The following THSD4 variants were observed in gnomAD, a reference collection of about 807,000 sequenced individuals.
THSD4 encodes the protein thrombospondin type 1 domain containing 4.
In THSD4, 69 loss-of-function variants were observed where a neutral mutation model predicts 119.0. The ratio of observed to expected loss-of-function variants is 0.58; its 90% CI spans 0.48 to 0.71. The LOEUF is 0.71. THSD4 is among the 30% of genes least tolerant of loss of function. The pLI is 0.00. For missense variants in THSD4, 1,393 were observed against 1,391.1 expected (o/e 1.00, Z -0.02); for synonymous variants, 524 against 540.4 (o/e 0.97, Z 0.42).
intron 3 of THSD4, among the ~76,000 whole-genome samples, chr15:71,157,273 A>G (rs2040787701): frequency 6.6e-6 from 1 of 152,214 alleles, no homozygotes; most frequent in African/African-American, 2.4e-5. Flanking sequence ...GTTTGCTCTG[A>G]GAGATGGGGA....
At chr15:71,697,019 CAGGTG>C (rs951413791) in intron 8 of THSD4, among the ~76,000 whole-genome samples, 28 of 152,146 alleles carry the variant, frequency 1.8e-4, no homozygotes, top group African/African-American at 6.8e-4. Flanking sequence ...CACAGCTTCT[CAGGTG>C]AGGAGAACAG....
At chr15:71,153,282 C>A (rs2040743641) in intron 2 of THSD4, among the ~76,000 whole-genome samples, 1 of 152,190 alleles carries the variant, frequency 6.6e-6, no homozygotes. Context: ...TCACACCTAG[C>A]AAACTCCATC....
At chr15:71,111,811 A>G (rs1194240359), upstream of THSD4, 3 of 526,304 alleles carry the variant, frequency 5.7e-6, no homozygotes, top group Admixed American at 3.7e-5. Flanking sequence ...CACAGTTAGG[A>G]TGAAAACACG....
chr15:71,320,382 C>T (rs1191013394), intron 6 of THSD4, among the ~76,000 whole-genome samples: 1 of 152,208 alleles, frequency 6.6e-6, no homozygotes, highest in Non-Finnish European at 1.5e-5. Flanking sequence ...CATATTACAG[C>T]AACTGCCCTT....
At chr15:71,363,998 G>C (rs188459084) in intron 6 of THSD4, among the ~76,000 whole-genome samples, 54 of 152,240 alleles carry the variant, frequency 3.5e-4, no homozygotes, top group African/African-American at 1.2e-3. Context: ...GATAGAAATA[G>C]TATTCATTAA....
At chr15:71,483,291 C>T (rs1032704152) in intron 7 of THSD4, among the ~76,000 whole-genome samples, 1 of 152,292 alleles carries the variant, frequency 6.6e-6, no homozygotes, top group Middle Eastern at 3.4e-3. Flanking sequence ...ATAAACTCCC[C>T]TCAATCTTCA....
rs146985777 is a variant in THSD4 at position 71,385,503 on chromosome 15, T to G, written c.1016-26184T>G. ...GGGCTGCCACATGACTGGACACTTA[T>G]GGACACAAAAAGGGAAGGATTGTAC... On this transcript the variant is annotated intron_variant, in intron 6 of 17. Transcript: ENST00000261862. Among the ~76,000 whole-genome samples, 101 of 152,320 alleles carry G rather than the reference T, an allele frequency of 6.6e-4. 1 individual carries two copies. The highest frequency in any genetic ancestry group is 2.3e-3 in the African/African-American group (97 of 41,566).
intron 7 of THSD4, among the ~76,000 whole-genome samples, chr15:71,644,098 G>A (rs1368762516): frequency 6.6e-6 from 1 of 152,184 alleles, no homozygotes; most frequent in East Asian, 1.9e-4. Context: ...TGATTTATAG[G>A]TTAAATTAGC....
intron 7 of THSD4, among the ~76,000 whole-genome samples, chr15:71,433,474 T>G (rs978170219): frequency 4.0e-5 from 6 of 151,654 alleles, no homozygotes; most frequent in Middle Eastern, 3.5e-3. Flanking sequence ...TTTTTTGGTT[T>G]GTTTGTTTGT....
At chr15:71,481,992 A>G (rs2047737083) in intron 7 of THSD4, among the ~76,000 whole-genome samples, 1 of 152,242 alleles carries the variant, frequency 6.6e-6, no homozygotes, top group Non-Finnish European at 1.5e-5. Flanking sequence ...TCCAGCAACA[A>G]CATGTGGAGC....
intron 6 of THSD4, among the ~76,000 whole-genome samples, chr15:71,311,551 T>G (rs887904514): frequency 1.3e-5 from 2 of 152,238 alleles, no homozygotes; most frequent in African/African-American, 4.8e-5. Context: ...CGGGGTTTCA[T>G]GGTGCAGTTG....
chr15:71,568,582 GTTTTTT>G (rs2049287455), intron 7 of THSD4, among the ~76,000 whole-genome samples: 1 of 82,822 alleles, frequency 1.2e-5, no homozygotes, highest in Non-Finnish European at 2.4e-5. Flanking sequence ...TTTTTTTTTT[GTTTTTT>G]GTTTTTCTTT....
intron 6 of THSD4, among the ~76,000 whole-genome samples, chr15:71,368,022 C>G (rs367687160): frequency 1.6e-3 from 245 of 152,302 alleles, no homozygotes; most frequent in Middle Eastern, 0.01. Context: ...ATTTGCATTT[C>G]TCTGATGGCC....
chr15:71,150,241 A>G (rs897492142), intron 2 of THSD4, among the ~76,000 whole-genome samples: 20 of 152,300 alleles, frequency 1.3e-4, no homozygotes, highest in African/African-American at 4.6e-4. Context: ...CTCATTCTCC[A>G]AACATTAATT....
intron 6 of THSD4, among the ~76,000 whole-genome samples, chr15:71,372,954 A>G (rs1185177364): frequency 6.6e-6 from 1 of 152,122 alleles, no homozygotes; most frequent in Non-Finnish European, 1.5e-5. Flanking sequence ...TGCTTTGTTT[A>G]CCTACTCAAG....
rs997002985 is a variant in THSD4 at position 71,423,008 on chromosome 15, A to G, written c.1152+11185A>G. Among the ~76,000 whole-genome samples the G allele has an allele frequency of 5.9e-5, 9 of 152,104 alleles. No homozygotes were observed. In the South Asian group the frequency reaches 1.0e-3, roughly 17 times the overall value. On this transcript the variant is annotated intron_variant, in intron 7 of 17. Transcript: ENST00000261862. ...GGAGAGCACTGCCAGGCTGTCGCTG[A>G]TGTTCACTCGAGGACCAACTGGTCT...
intron 7 of THSD4, among the ~76,000 whole-genome samples, chr15:71,562,160 G>C (rs1339969992): frequency 6.6e-6 from 1 of 152,176 alleles, no homozygotes; most frequent in Non-Finnish European, 1.5e-5. Context: ...CACACACCCA[G>C]TTGTGGCTTC....
chr15:71,577,032 AC>A (rs889307723), intron 7 of THSD4, among the ~76,000 whole-genome samples: 1 of 152,010 alleles, frequency 6.6e-6, no homozygotes, highest in Non-Finnish European at 1.5e-5. Flanking sequence ...TTTGGAAAGT[AC>A]TGGATTATGC....
intron 7 of THSD4, among the ~76,000 whole-genome samples, chr15:71,633,727 C>G (rs1344389401): frequency 3.3e-5 from 5 of 152,166 alleles, no homozygotes; most frequent in African/African-American, 9.7e-5. Context: ...GTCTATTTCC[C>G]TCTGCTAGAC....
Sources: gnomAD v4.1 joint callset for allele counts (sites outside exome capture counted in the v4.1 genomes callset) on GRCh38, gnomAD v4.1.1 for gene constraint, MANE v1.5 for transcripts, NCBI Gene and HGNC (gene_info 2026-07-23, HGNC 2026-07-21) for gene names.